Variants in PRKAR1B observed in about 807,000 individuals in gnomAD.
PRKAR1B encodes the protein cAMP-dependent protein kinase type I-beta regulatory subunit.
PRKAR1B carries 22 observed loss-of-function variants against 46.5 expected under a neutral mutation model. The ratio of observed to expected loss-of-function variants is 0.47; its 90% confidence interval spans 0.34 to 0.68. The LOEUF (loss-of-function observed/expected upper bound fraction) is 0.68, where lower values mean the gene tolerates loss of function less well. Ranked by LOEUF, PRKAR1B falls within the 30% of genes least tolerant of loss-of-function variation. The probability of loss-of-function intolerance (pLI) is 0.01; values close to 1 mark genes in which losing one functional copy is unlikely to be tolerated. For missense variants in PRKAR1B, 445 were observed against 535.6 expected (o/e 0.83, Z 1.67); for synonymous variants, 259 against 217.7 (o/e 1.19, Z -1.67).
At chr7:705,306 TA>T (rs1166269903) in intron 2 of PRKAR1B, among the ~76,000 whole-genome samples, 565 of 108,998 alleles carry the variant, frequency 5.2e-3, no homozygotes, top group African/African-American at 5.8e-3. Context: ...CTGTCTCAAT[TA>T]AAAAAAAAAA....
At chr7:711,260 C>T (rs1450693840) in intron 2 of PRKAR1B, 69 bp downstream of exon 2, 1 of 1,575,860 alleles carries the variant, frequency 6.3e-7, no homozygotes, top group African/African-American at 1.3e-5. Flanking sequence ...AGAGGGAAGG[C>T]TTCCCCGGCT....
chr7:665,224 T>C lies in PRKAR1B; in HGVS notation c.440+12005A>G, dbSNP rs1000553132. ...GACTGTTCTCTTAAAAAGGTTGTTGTCTTTTCCCGGCAGGTTAATGAGCTG... is the reference window on the plus strand; with the variant it reads ...GACTGTTCTCTTAAAAAGGTTGTTGCCTTTTCCCGGCAGGTTAATGAGCTG... On this transcript the variant is annotated intron_variant, in intron 4 of 10. Transcript: ENST00000537384. Among the ~76,000 whole-genome samples, 50 of 152,214 alleles carry C rather than the reference T, an allele frequency of 3.3e-4. 1 individual carries two copies. The highest frequency in any genetic ancestry group is 1.2e-3 in the African/African-American group (50 of 41,516).
chr7:670,433 T>C (rs1562603262), intron 4 of PRKAR1B, among the ~76,000 whole-genome samples: 1 of 152,238 alleles, frequency 6.6e-6, no homozygotes, highest in Non-Finnish European at 1.5e-5. Context: ...CCCGTGTTGA[T>C]AGCTGAGCCC....
chr7:727,543 C>T (rs946905739), upstream of PRKAR1B: 10 of 290,636 alleles, frequency 3.4e-5, no homozygotes, highest in Non-Finnish European at 5.0e-5. Context: ...CACGTCCCGC[C>T]ACCAACGCGC....
chr7:651,467 C>A (rs371904066), intron 4 of PRKAR1B, among the ~76,000 whole-genome samples: 1 of 152,236 alleles, frequency 6.6e-6, no homozygotes, highest in African/African-American at 2.4e-5. Flanking sequence ...ACAGACTTCA[C>A]GTGTCAACAA....
Position 714,778 on chromosome 7 carries a change from T to C in PRKAR1B, c.-22-3251A>G, listed in dbSNP as rs1438497525. ...TCACTGTCTGATCATTGCCAGAGGATGAAATCAACACAGAAGTGGGAAGAA... is the reference window on the plus strand; with the variant it reads ...TCACTGTCTGATCATTGCCAGAGGACGAAATCAACACAGAAGTGGGAAGAA... On this transcript the variant is annotated intron_variant, in intron 1 of 10. Transcript: ENST00000537384. The surrounding 1 kb of genome is among the most constrained non-coding windows in gnomAD (Gnocchi z 4.3). 6.6e-6 allele frequency among the ~76,000 whole-genome samples: 1 copy of C among 152,190 alleles called. No individual in the cohort carries two copies. Among genetic ancestry groups the C allele is most frequent in the Non-Finnish European group, 1.5e-5 (1 of 68,030 alleles).
chr7:568,361 G>T (rs1779297942), intron 9 of PRKAR1B, among the ~76,000 whole-genome samples: 1 of 152,250 alleles, frequency 6.6e-6, no homozygotes, highest in Non-Finnish European at 1.5e-5. Flanking sequence ...GGGACAGCAG[G>T]GCCAGCAGGC....
chr7:589,908 A>G (rs145793648), intron 7 of PRKAR1B, among the ~76,000 whole-genome samples: 4,481 of 152,336 alleles, frequency 0.029, 84 homozygotes, highest in African/African-American at 0.056. Context: ...CAGCCCCTGG[A>G]TGTTGCTTTC....
intron 7 of PRKAR1B, among the ~76,000 whole-genome samples, chr7:591,334 A>AG (rs1423500798): frequency 1.3e-5 from 2 of 152,078 alleles, no homozygotes; most frequent in Non-Finnish European, 2.9e-5. Context: ...GGCATCCCCA[A>AG]GGGGGGCTTT....
At chr7:571,148 A>G (rs2128436138) in intron 9 of PRKAR1B, among the ~76,000 whole-genome samples, 1 of 152,274 alleles carries the variant, frequency 6.6e-6, no homozygotes, top group South Asian at 2.1e-4. Context: ...AAGGGCCACC[A>G]CAAGTAAGCA....
At chr7:684,885 C>G (rs1012314923) in intron 2 of PRKAR1B, among the ~76,000 whole-genome samples, 4 of 151,948 alleles carry the variant, frequency 2.6e-5, no homozygotes, top group Non-Finnish European at 2.9e-5. Flanking sequence ...GACACACACA[C>G]ACACACACAC....
intron 1 of PRKAR1B, among the ~76,000 whole-genome samples, chr7:726,442 TATAGCCCGGGACCCGC>T (rs1193859120): frequency 6.6e-6 from 1 of 152,090 alleles, no homozygotes; most frequent in East Asian, 1.9e-4. Flanking sequence ...GGCCCAGGCC[TATAGCCCGGGACCCGC>T]ATCCCGGGCG....
chr7:723,982 T>C (rs1781163368), intron 1 of PRKAR1B, among the ~76,000 whole-genome samples: 1 of 152,170 alleles, frequency 6.6e-6, no homozygotes. Flanking sequence ...TCTCCAAAAT[T>C]TCTCCTTTTA....
intron 2 of PRKAR1B, among the ~76,000 whole-genome samples, chr7:699,983 G>C (rs979833777): frequency 2.0e-5 from 3 of 152,202 alleles, no homozygotes; most frequent in African/African-American, 7.2e-5. Context: ...GGCGTGGGCG[G>C]GGGAAGGGGC....
chr7:723,477 C>A (rs1343012604), intron 1 of PRKAR1B, among the ~76,000 whole-genome samples: 1 of 152,192 alleles, frequency 6.6e-6, no homozygotes. Context: ...AGGTCTCCAG[C>A]CCGTCTGTCA....
chr7:694,002 C>A (rs758442017), intron 2 of PRKAR1B, among the ~76,000 whole-genome samples: 1 of 152,154 alleles, frequency 6.6e-6, no homozygotes, highest in Admixed American at 6.5e-5. Flanking sequence ...GACCTGGACT[C>A]GGCCGGGCGT....
rs183773908 is a variant in PRKAR1B, at chr7:602,883, G to T, written c.549+3310C>A. 6.6e-6 allele frequency among the ~76,000 whole-genome samples: 1 copy of T among 152,148 alleles called. No individual in the cohort carries two copies. Among genetic ancestry groups the T allele is most frequent in the South Asian group, 2.1e-4 (1 of 4,830 alleles). On this transcript the variant is annotated intron_variant, in intron 6 of 10. Transcript: ENST00000537384. The surrounding 1 kb of genome is among the most constrained non-coding windows in gnomAD (Gnocchi z 6.4). ...ACACAAGGGCCTGGGCAAAGGTCACGGCCAGCAAAGAACACAGCCTGGGTC... is the reference window on the plus strand; with the variant it reads ...ACACAAGGGCCTGGGCAAAGGTCACTGCCAGCAAAGAACACAGCCTGGGTC...
intron 4 of PRKAR1B, among the ~76,000 whole-genome samples, chr7:628,388 G>C (rs28672259): frequency 0.063 from 9,617 of 152,328 alleles, 341 homozygotes; most frequent in Middle Eastern, 0.1. Flanking sequence ...GGTCAGCAGA[G>C]GGCAGGCGGG....
At chr7:586,692 C>T (rs1302062774) in intron 7 of PRKAR1B, among the ~76,000 whole-genome samples, 1 of 152,196 alleles carries the variant, frequency 6.6e-6, no homozygotes, top group Non-Finnish European at 1.5e-5. Context: ...TGTTACACAG[C>T]CACAGCTAAC....
Sources: gnomAD v4.1 joint callset for allele counts (sites outside exome capture counted in the v4.1 genomes callset) on GRCh38, gnomAD v4.1.1 for gene constraint, Gnocchi (gnomAD v3.1) non-coding constraint, MANE v1.5 for transcripts, NCBI Gene and HGNC (gene_info 2026-07-23, HGNC 2026-07-21) for gene names.